The following FER variants were observed in gnomAD, a reference collection of about 807,000 sequenced individuals.
The protein encoded by FER is tyrosine-protein kinase Fer.
A neutral mutation model predicts 111.0 loss-of-function variants in FER; 63 were observed. That is an observed-to-expected ratio of 0.57 (90% CI 0.46 to 0.70). FER has a LOEUF of 0.70. Ranked by LOEUF, FER falls within the 30% of genes least tolerant of loss-of-function variation. FER has a pLI of 0.00. For missense variants in FER, 914 were observed against 954.0 expected (o/e 0.96, Z 0.55); for synonymous variants, 327 against 313.9 (o/e 1.04, Z -0.44).
chr5:108,758,769 G>GA (rs1364588578), intron 1 of FER, among the ~76,000 whole-genome samples: 2 of 152,138 alleles, frequency 1.3e-5, no homozygotes, highest in Non-Finnish European at 2.9e-5. Flanking sequence ...CCTTTGGCCT[G>GA]AGATTCACAA....
chr5:108,807,820 A>G (rs1757358516), intron 3 of FER, among the ~76,000 whole-genome samples: 1 of 151,862 alleles, frequency 6.6e-6, no homozygotes, highest in South Asian at 2.1e-4. Flanking sequence ...CTGTTTCTCT[A>G]TTTTCATTTA....
intron 13 of FER, among the ~76,000 whole-genome samples, chr5:109,013,814 G>A (rs1402626819): frequency 6.7e-6 from 1 of 149,410 alleles, no homozygotes; most frequent in African/African-American, 2.4e-5. Flanking sequence ...GTTTTGATTT[G>A]CATTTCTCTG....
At chr5:109,166,602 T>G (rs563240261) in intron 17 of FER, among the ~76,000 whole-genome samples, 1 of 152,204 alleles carries the variant, frequency 6.6e-6, no homozygotes, top group African/African-American at 2.4e-5. Context: ...GTATAGTGTC[T>G]TAACACACAA....
At chr5:109,045,353 G>A (rs929523346) in intron 15 of FER, among the ~76,000 whole-genome samples, 5 of 149,172 alleles carry the variant, frequency 3.4e-5, no homozygotes, top group Admixed American at 2.0e-4. Context: ...AGTTGTACAT[G>A]TACAAAACAT....
chr5:108,817,092 A>C (rs990101610), intron 3 of FER, among the ~76,000 whole-genome samples: 4 of 130,668 alleles, frequency 3.1e-5, no homozygotes, highest in African/African-American at 8.6e-5. Context: ...CAACAGAGCA[A>C]GACACTGTCT....
chr5:109,036,571 TAAATA>T (rs1310098228), intron 13 of FER, among the ~76,000 whole-genome samples: 1 of 151,958 alleles, frequency 6.6e-6, no homozygotes, highest in African/African-American at 2.4e-5. Flanking sequence ...ACCTAACTCA[TAAATA>T]AAATATATCA....
At chr5:109,183,023 C>G (rs1342251115) in intron 18 of FER, among the ~76,000 whole-genome samples, 1 of 152,060 alleles carries the variant, frequency 6.6e-6, no homozygotes, top group Non-Finnish European at 1.5e-5. Flanking sequence ...GATCCTTGAT[C>G]TAGAGTGAGG....
intron 3 of FER, among the ~76,000 whole-genome samples, chr5:108,820,951 A>AGT (rs1248845548): frequency 1.3e-5 from 2 of 152,196 alleles, no homozygotes; most frequent in African/African-American, 4.8e-5. Context: ...GTCTTTACTA[A>AGT]AAATACAAAA....
intron 2 of FER, among the ~76,000 whole-genome samples, chr5:108,783,298 A>T (rs930854008): frequency 6.6e-6 from 1 of 152,074 alleles, no homozygotes; most frequent in African/African-American, 2.4e-5. Context: ...CATAATTTTC[A>T]TCTGGTTATT....
At chr5:108,835,879 G>A (rs1760605033) in intron 5 of FER, 72 bp downstream of exon 5, 3 of 801,884 alleles carry the variant, frequency 3.7e-6, no homozygotes, top group Non-Finnish European at 5.8e-6. Flanking sequence ...ATCTTTGTAA[G>A]TAGTGGAATG....
chr5:108,825,757 G>T (rs1168525728), intron 3 of FER, among the ~76,000 whole-genome samples: 1 of 152,164 alleles, frequency 6.6e-6, no homozygotes, highest in Non-Finnish European at 1.5e-5. Flanking sequence ...AATTACCAAA[G>T]TATTAATTTG....
rs544880693 is a variant in FER, at chr5:108,967,994, TATCACATAGATTGTGGAGAA to T, written c.1656+8656_1656+8675del. Among the ~76,000 whole-genome samples, 95 of 152,312 alleles carry T rather than the reference TATCACATAGATTGTGGAGAA, an allele frequency of 6.2e-4. 1 individual carries two copies. The South Asian group carries it at 0.019, about 31-fold the overall frequency. On this transcript the variant is annotated intron_variant, in intron 13 of 19. Transcript: ENST00000281092. ...TAGGCGTTTGTCTGCCTCTTGCTGC[TATCACATAGATTGTGGAGAA>T]ATCACATAATAATAAAGTTAAGAGA...
Position 108,779,053 on chromosome 5 carries a change from T to A in FER, c.-60+10815T>A, listed in dbSNP as rs1753778471. On this transcript the variant is annotated intron_variant, in intron 2 of 19. Transcript: ENST00000281092. ...TGGATGTCCAATTGTTCTAGCACCA[T>A]ATAGTGAAAAGACTATCTTTTCTTG... 2.0e-5 allele frequency among the ~76,000 whole-genome samples: 3 copies of A among 151,932 alleles called. No homozygotes were observed. The South Asian group carries it at 6.2e-4, about 32-fold the overall frequency.
intron 16 of FER, among the ~76,000 whole-genome samples, chr5:109,083,289 A>C (rs1023517984): frequency 3.3e-5 from 5 of 152,064 alleles, no homozygotes; most frequent in African/African-American, 1.2e-4. Flanking sequence ...TGTGTGTAAC[A>C]TGCCTTGTAG....
At chr5:109,051,655 T>C in intron 16 of FER, 1 of 1,576,876 alleles carries the variant, frequency 6.3e-7, no homozygotes, top group Non-Finnish European at 8.7e-7. Context: ...GGAGCAGCCA[T>C]TGAAATAAGC....
intron 5 of FER, among the ~76,000 whole-genome samples, chr5:108,856,974 T>C (rs1263588429): frequency 1.3e-5 from 2 of 152,152 alleles, no homozygotes; most frequent in African/African-American, 4.8e-5. Context: ...TACTTTAAAA[T>C]TTTGATCCAA....
intron 10 of FER, among the ~76,000 whole-genome samples, chr5:108,916,909 G>A (rs1229937692): frequency 2.6e-5 from 4 of 151,964 alleles, no homozygotes; most frequent in African/African-American, 9.7e-5. Flanking sequence ...TGTTTTCCAG[G>A]ATTTAATTCC....
At chr5:109,110,064 T>A (rs1320411969) in intron 17 of FER, among the ~76,000 whole-genome samples, 1 of 152,110 alleles carries the variant, frequency 6.6e-6, no homozygotes, top group Non-Finnish European at 1.5e-5. Flanking sequence ...ACTCCACTCA[T>A]ATCTCCATAG....
At chr5:109,045,007 G>C (rs1337168998) in intron 15 of FER, among the ~76,000 whole-genome samples, 3 of 151,950 alleles carry the variant, frequency 2.0e-5, no homozygotes, top group African/African-American at 2.4e-5. Context: ...TATTATTCAA[G>C]TTCTTAAAAT....
Sources: gnomAD v4.1 joint callset for allele counts (sites outside exome capture counted in the v4.1 genomes callset) on GRCh38, gnomAD v4.1.1 for gene constraint, MANE v1.5 for transcripts, NCBI Gene and HGNC (gene_info 2026-07-23, HGNC 2026-07-21) for gene names.